The following CEP131 variants were observed in gnomAD, a reference collection of about 807,000 sequenced individuals.
CEP131 encodes centrosomal protein of 131 kDa.
In CEP131, 99 loss-of-function variants were observed where a neutral mutation model predicts 136.8. That is an observed-to-expected ratio of 0.72 (90% CI 0.62 to 0.86). CEP131 has a LOEUF of 0.86. CEP131 is among the 40% of genes least tolerant of loss of function. The pLI is 0.00. For synonymous variants in CEP131, 646 were observed against 612.7 expected (o/e 1.05, Z -0.80); for missense variants, 1,459 against 1,463.0 (o/e 1.00, Z 0.04).
At chr17:81,217,543 G>A (rs975124082) in intron 2 of CEP131, among the ~76,000 whole-genome samples, 10 of 152,164 alleles carry the variant, frequency 6.6e-5, no homozygotes, top group Admixed American at 6.5e-4. Context: ...GATGGGGACC[G>A]GGCACAACAG....
rs200585487 is a variant in CEP131, at chr17:81,209,024, T to A, written c.178-2A>T. 6.2e-7 allele frequency: 1 copy of A among 1,605,702 alleles called. No individual in the cohort carries two copies. The highest frequency in any genetic ancestry group is 1.3e-5 in the African/African-American group (1 of 74,862). The stretch of plus-strand genomic sequence containing the variant: ...GGAGCCCCCAGGCCCTGTGGCCTCC[T>A]GCAAAAAGGGAGAAAACAGTTAATT... On this transcript the variant is annotated splice_acceptor_variant, in intron 2 of 25. Coordinates refer to ENST00000450824, the MANE Select transcript of CEP131 (RefSeq NM_014984.4). LOFTEE classifies it high-confidence loss of function.
intron 15 of CEP131, among the ~76,000 whole-genome samples, 172 bp downstream of exon 15, chr17:81,196,510 AAGACAGGAGTGCCCTCTCC>A (rs1205433352): frequency 1.3e-5 from 2 of 152,234 alleles, no homozygotes; most frequent in African/African-American, 4.8e-5. Flanking sequence ...GCTCTGGATA[AAGACAGGAGTGCCCTCTCC>A]AGGGCATGCA....
chr17:81,190,117 A>G, intron 24 of CEP131, 142 bp from the exon 25 acceptor site: 1 of 748,506 alleles, frequency 1.3e-6, no homozygotes, highest in Non-Finnish European at 2.1e-6. Flanking sequence ...GCTGGCCCAG[A>G]CAGCTGTCCA....
At chr17:81,211,342 CCTT>C (rs1440683449) in intron 2 of CEP131, among the ~76,000 whole-genome samples, 2 of 152,202 alleles carry the variant, frequency 1.3e-5, no homozygotes, top group Non-Finnish European at 2.9e-5. Context: ...AGGCCTCCAT[CCTT>C]CTAGGAGAAA....
At chr17:81,209,246 G>A (rs1030971439) in intron 2 of CEP131, among the ~76,000 whole-genome samples, 2 of 152,122 alleles carry the variant, frequency 1.3e-5, no homozygotes, top group African/African-American at 4.8e-5. Flanking sequence ...GAGCTTCCCC[G>A]TCCCCGCATC....
Position 81,192,758 on chromosome 17 carries a change from G to T in CEP131, c.2407C>A (p.Arg803=), listed in dbSNP as rs757399853. Residue 803 remains arginine, a synonymous_variant, in exon 19 of 26, where the codon CGG becomes AGG. Transcript: ENST00000450824. The part of the protein sequence containing the change: ...LYSEVAEERE[R]LGQQAARQRA... ...CACCTGGCTGCCTGCTGGCCCAGCC[G>T]CTCCCTCTCCTCAGCCACCTCACTG... 2 of 1,587,106 alleles carry T rather than the reference G, an allele frequency of 1.3e-6. No individual in the cohort carries two copies. The highest frequency in any genetic ancestry group is 2.2e-5 in the South Asian group (2 of 90,816).
intron 13 of CEP131, 110 bp downstream of exon 13, chr17:81,197,602 C>T (rs1371540092): frequency 4.2e-6 from 6 of 1,441,708 alleles, no homozygotes; most frequent in Middle Eastern, 2.5e-4. Context: ...CCTCCTCCCC[C>T]TGGGGGCCAG....
chr17:81,199,828 C>T lies in CEP131; in HGVS notation c.914G>A (p.Arg305Gln), dbSNP rs776720733. ...GAGGGTCCCCTCGCCTGACCGCTGC[C>T]GCTGCTCCTGCCAAAGAAGCCGGTG... is the stretch of plus-strand genomic sequence containing the variant. ...HLLQAKREEQ[R>Q]QRSGEGTLLD... The change falls in exon 9 of 26, where the codon CGG (arginine) becomes CAG (glutamine). Residue 305 changes from arginine to glutamine, a missense_variant. Physicochemically the swap from Arg to Gln is conservative, Grantham distance 43. Around this residue, in one of 3 missense-constraint regions of CEP131, gnomAD observed 246 missense variants for 318.9 expected, o/e 0.77. Coordinates refer to ENST00000450824, the MANE Select transcript of CEP131 (RefSeq NM_014984.4). The T allele has an allele frequency of 9.9e-6, 16 of 1,610,920 alleles. No homozygotes were observed. Among genetic ancestry groups the T allele is most frequent in the South Asian group, 6.6e-5 (6 of 91,080 alleles).
chr17:81,197,639 C>CA (rs1489147631), intron 13 of CEP131, 73 bp downstream of exon 13: 3 of 1,506,954 alleles, frequency 2.0e-6, no homozygotes, highest in Non-Finnish European at 2.6e-6. Context: ...GGCCTCCTCC[C>CA]CCGAGGGCCA....
At chr17:81,196,076 T>C (rs1017453848) in intron 15 of CEP131, 125 bp from the exon 16 acceptor site, 18 of 739,044 alleles carry the variant, frequency 2.4e-5, no homozygotes, top group Non-Finnish European at 3.7e-5. Context: ...CTGCCCCTCC[T>C]AGGTTTGTGG....
rs199732971 is a variant in CEP131, at chr17:81,220,098, A to G, written c.-17-25T>C. 5 of 1,476,972 alleles carry G rather than the reference A, an allele frequency of 3.4e-6. No individual in the cohort carries two copies. The South Asian group carries it at 4.0e-5, about 12-fold the overall frequency. 91.5% of individuals were successfully genotyped at this position (1,476,972 alleles called of 1,614,324 possible). ...CCTGAGCGGGGAAGCAAGAGCTGCA[A>G]TGAGATGCCGTGGGGGAACTACAGT... On this transcript the variant is annotated intron_variant, in intron 1 of 25. Transcript: ENST00000450824.
intron 2 of CEP131, among the ~76,000 whole-genome samples, chr17:81,217,121 CCT>C (rs2062264638): frequency 1.3e-5 from 2 of 152,128 alleles, no homozygotes; most frequent in South Asian, 4.1e-4. Context: ...GATTTAAAGA[CCT>C]CTTTTCTTTA....
chr17:81,206,875 T>A lies in CEP131; in HGVS notation c.388-4A>T. 1 of 1,612,492 alleles carries A rather than the reference T, an allele frequency of 6.2e-7. No homozygotes were observed. Among genetic ancestry groups the A allele is most frequent in the Non-Finnish European group, 8.5e-7 (1 of 1,179,586 alleles). ...TGAAGCCCCGGGGCTGGTCATCCTG[T>A]CAGACAGCTCAGCCCATGACACCGC... On this transcript the variant is annotated splice_polypyrimidine_tract_variant and splice_region_variant and intron_variant, in intron 4 of 25. Transcript: ENST00000450824.
In CEP131 at chr17:81,189,861, G is replaced by T; in HGVS notation, c.3169-18C>A. Reference sequence around the variant, plus strand: ...ACCGCAGCCTGCAGCACACCCACAGGGTCAGGCCTGCTCCCAGCCCCGAGG... The same window carrying T: ...ACCGCAGCCTGCAGCACACCCACAGTGTCAGGCCTGCTCCCAGCCCCGAGG... On this transcript the variant is annotated intron_variant, in intron 25 of 25. Coordinates refer to ENST00000450824, the MANE Select transcript of CEP131 (RefSeq NM_014984.4). The T allele has an allele frequency of 6.2e-7, 1 of 1,612,408 alleles. No individual in the cohort carries two copies.
chr17:81,210,735 C>G (rs2062113740), intron 2 of CEP131, among the ~76,000 whole-genome samples: 1 of 151,428 alleles, frequency 6.6e-6, no homozygotes, highest in South Asian at 2.1e-4. Context: ...GACCTCGGGT[C>G]TCCAGTTTCC....
intron 19 of CEP131, 51 bp downstream of exon 19, chr17:81,192,685 G>GGGGGGGGCCCCC: frequency 2.1e-6 from 1 of 478,436 alleles, no homozygotes; most frequent in Non-Finnish European, 4.1e-6. Context: ...GGGGGGAGGG[G>GGGGGGGGCCCCC]TCAGCCAGCG....
Position 81,205,177 on chromosome 17 carries a change from G to A in CEP131, c.515+1567C>T, listed in dbSNP as rs866672609. Among the ~76,000 whole-genome samples, 8 of 151,708 alleles carry A rather than the reference G, an allele frequency of 5.3e-5. No individual in the cohort carries two copies. The South Asian group carries it at 1.7e-3, about 32-fold the overall frequency. On this transcript the variant is annotated intron_variant, in intron 5 of 25. Coordinates refer to ENST00000450824, the MANE Select transcript of CEP131 (RefSeq NM_014984.4). ...AGGAGGCTGAGGCAAGAGAATCACT[G>A]GAACCCGGGAAGCGGAGGTTGCGGT... is the stretch of plus-strand genomic sequence containing the variant.
intron 2 of CEP131, among the ~76,000 whole-genome samples, chr17:81,210,526 G>C (rs1274197063): frequency 3.9e-5 from 6 of 151,986 alleles, no homozygotes; most frequent in Non-Finnish European, 8.8e-5. Flanking sequence ...GCCGAGATTG[G>C]GCCACGGCAC....
rs992044175 is a variant in CEP131 at position 81,215,568 on chromosome 17, C to T, written c.177+4312G>A. Among the ~76,000 whole-genome samples, 33 of 152,158 alleles carry T rather than the reference C, an allele frequency of 2.2e-4. No homozygotes were observed. Among genetic ancestry groups the T allele is most frequent in the African/African-American group, 4.6e-4 (19 of 41,490 alleles). ...CTGGCATTACAGGTGCCTGCCACCA[C>T]GTCCAGCTATTTTTTCTATTTTTAG... On this transcript the variant is annotated intron_variant, in intron 2 of 25. Coordinates refer to ENST00000450824, the MANE Select transcript of CEP131 (RefSeq NM_014984.4). This position sits in a 1 kb window ranked among gnomAD's most constrained non-coding sequence, Gnocchi z 4.1.
Sources: allele counts gnomAD v4.1 joint callset (sites outside exome capture counted in the v4.1 genomes callset), GRCh38; gene constraint gnomAD v4.1.1; regional missense constraint gnomAD v4.1.1; non-coding constraint Gnocchi (gnomAD v3.1); transcripts MANE v1.5; gene names NCBI Gene and HGNC (gene_info 2026-07-23, HGNC 2026-07-21).